The following TENM2 variants were observed in gnomAD, a reference collection of about 807,000 sequenced individuals.
TENM2 encodes the protein teneurin transmembrane protein 2.
A neutral mutation model predicts 245.2 loss-of-function variants in TENM2; 52 were observed. The ratio of observed to expected loss-of-function variants is 0.21; its 90% CI spans 0.17 to 0.27. The LOEUF (loss-of-function observed/expected upper bound fraction) is 0.27, where lower values mean the gene tolerates loss of function less well. TENM2 is among the 10% of genes least tolerant of loss of function. The pLI is 1.00. For synonymous variants in TENM2, 1,363 were observed against 1,438.9 expected, an observed-to-expected ratio of 0.95 and a Z score of 1.19; for missense variants, 3,046 against 3,666.8, an observed-to-expected ratio of 0.83 and a Z score of 4.37.
chr5:167,670,268 C>T (rs559759723), intron 2 of TENM2, among the ~76,000 whole-genome samples: 44 of 152,136 alleles, frequency 2.9e-4, no homozygotes, highest in Non-Finnish European at 5.9e-4. Context: ...TCTCTGTCCT[C>T]TTTGAAATTT....
chr5:168,025,825 T>G (rs1786566769), intron 5 of TENM2, among the ~76,000 whole-genome samples: 3 of 152,126 alleles, frequency 2.0e-5, no homozygotes, highest in Admixed American at 6.5e-5. Context: ...TAAACTAAAA[T>G]AACTTCCACC....
chr5:167,625,902 G>C (rs768159061), intron 2 of TENM2, among the ~76,000 whole-genome samples: 3 of 152,112 alleles, frequency 2.0e-5, no homozygotes, highest in African/African-American at 7.2e-5. Flanking sequence ...TTCCCTGCTG[G>C]AGTCCCTCCA....
At chr5:167,861,204 T>C (rs1377699169) in intron 2 of TENM2, among the ~76,000 whole-genome samples, 2 of 152,154 alleles carry the variant, frequency 1.3e-5, no homozygotes, top group Non-Finnish European at 2.9e-5. Context: ...CTCCATAGAT[T>C]TTCTCATCTA....
the TENM2 span, among the ~76,000 whole-genome samples, chr5:167,001,834 T>C: frequency 6.6e-6 from 1 of 151,614 alleles, no homozygotes; most frequent in East Asian, 1.9e-4. Context: ...CTCCCTCTCT[T>C]TTTTTTTAAT....
At chr5:168,200,172 G>A (rs1205549389) in intron 17 of TENM2, 41 bp downstream of exon 19, 1 of 1,576,332 alleles carries the variant, frequency 6.3e-7, no homozygotes, top group Non-Finnish European at 8.7e-7. Flanking sequence ...AATGGATTTA[G>A]TCATGTGTTA....
At chr5:167,984,837 C>T (rs1279216927) in intron 4 of TENM2, among the ~76,000 whole-genome samples, 1 of 152,136 alleles carries the variant, frequency 6.6e-6, no homozygotes, top group African/African-American at 2.4e-5. Context: ...CTATGCTTCT[C>T]TCCTTCTGTT....
At chr5:167,538,526 G>A (rs1047579721) in intron 2 of TENM2, among the ~76,000 whole-genome samples, 1 of 152,160 alleles carries the variant, frequency 6.6e-6, no homozygotes, top group African/African-American at 2.4e-5. Context: ...AAGTGAAAGG[G>A]TAATGTCTGC....
the TENM2 span, among the ~76,000 whole-genome samples, chr5:167,125,661 A>G: frequency 6.6e-6 from 1 of 152,224 alleles, no homozygotes; most frequent in South Asian, 2.1e-4. Context: ...ATAGATATAT[A>G]CACACGCATA....
chr5:168,212,996 A>C (rs760686063), intron 20 of TENM2, among the ~76,000 whole-genome samples: 12 of 152,200 alleles, frequency 7.9e-5, no homozygotes, highest in Non-Finnish European at 1.3e-4. Context: ...AAAATTAATT[A>C]TCTCTCTCAT....
chr5:167,603,477 G>A (rs1776796253), intron 2 of TENM2, among the ~76,000 whole-genome samples: 1 of 152,116 alleles, frequency 6.6e-6, no homozygotes, highest in East Asian at 1.9e-4. Flanking sequence ...GAGCTCAGGA[G>A]TTTGAGACCA....
chr5:168,224,752 C>CT (rs904145685), intron 23 of TENM2, among the ~76,000 whole-genome samples: 3 of 152,160 alleles, frequency 2.0e-5, no homozygotes, highest in African/African-American at 4.8e-5. Context: ...ACTTTCCCTT[C>CT]TTTTTTACCC....
chr5:167,213,076 A>G, the TENM2 span, among the ~76,000 whole-genome samples: 1 of 152,194 alleles, frequency 6.6e-6, no homozygotes, highest in Non-Finnish European at 1.5e-5. Flanking sequence ...AATCTTTAAC[A>G]CCAGCTAAAC....
chr5:167,447,028 C>T (rs1425304357), intron 2 of TENM2, among the ~76,000 whole-genome samples: 1 of 152,128 alleles, frequency 6.6e-6, no homozygotes, highest in African/African-American at 2.4e-5. Flanking sequence ...TCATGTGGTG[C>T]TTAAGAAGTT....
chr5:167,329,551 C>CAGAA (rs1426467469), intron 1 of TENM2, among the ~76,000 whole-genome samples: 19 of 21,936 alleles, frequency 8.7e-4, no homozygotes, highest in Admixed American at 6.2e-3. Context: ...GACTCAGTCT[C>CAGAA]AAAAAAAAAA....
chr5:167,257,536 C>G, the TENM2 span, among the ~76,000 whole-genome samples: 1 of 151,358 alleles, frequency 6.6e-6, no homozygotes, highest in African/African-American at 2.4e-5. Context: ...ATAAGATGAA[C>G]CTAATATTTT....
intron 2 of TENM2, among the ~76,000 whole-genome samples, chr5:167,743,933 G>A (rs1761381640): frequency 6.6e-6 from 1 of 152,124 alleles, no homozygotes; most frequent in Non-Finnish European, 1.5e-5. Context: ...TATGAAACTA[G>A]AAGTGAGCTT....
the TENM2 span, among the ~76,000 whole-genome samples, chr5:167,226,057 G>C: frequency 6.6e-6 from 1 of 151,458 alleles, no homozygotes; most frequent in Non-Finnish European, 1.5e-5. Context: ...TTCTTTTCTT[G>C]GTTAGTCTAG....
At chr5:167,252,201 G>C in the TENM2 span, among the ~76,000 whole-genome samples, 1 of 152,262 alleles carries the variant, frequency 6.6e-6, no homozygotes, top group African/African-American at 2.4e-5. Context: ...AGGGAAAAAT[G>C]TCCAGAAACA....
At chr5:167,005,295 G>A in the TENM2 span, among the ~76,000 whole-genome samples, 16 of 152,274 alleles carry the variant, frequency 1.1e-4, no homozygotes, top group Admixed American at 9.2e-4. Flanking sequence ...TAAAAGGTTT[G>A]CCACCCCACC....
Sources: gnomAD v4.1 joint callset for allele counts (sites outside exome capture counted in the v4.1 genomes callset) on GRCh38, gnomAD v4.1.1 for gene constraint, MANE v1.5 for transcripts, NCBI Gene and HGNC (gene_info 2026-07-23, HGNC 2026-07-21) for gene names.